Variants in SHISA9 observed in about 807,000 individuals in gnomAD.
SHISA9 encodes the protein shisa family member 9.
SHISA9 carries 13 observed loss-of-function variants against 38.0 expected under a neutral mutation model. That is an observed-to-expected ratio of 0.34 (90% CI 0.22 to 0.54). SHISA9 has a LOEUF of 0.54. Ranked by LOEUF, SHISA9 falls within the 20% of genes least tolerant of loss-of-function variation. The pLI is 0.91. For synonymous variants in SHISA9, 275 were observed against 242.0 expected, an observed-to-expected ratio of 1.14 and a Z score of -1.27; for missense variants, 538 against 575.8, an observed-to-expected ratio of 0.93 and a Z score of 0.67.
chr16:13,466,939 G>A, the SHISA9 span, among the ~76,000 whole-genome samples: 2 of 152,170 alleles, frequency 1.3e-5, no homozygotes, highest in Non-Finnish European at 2.9e-5. Context: ...TTCTGGGAAT[G>A]GGATTAGTGC....
chr16:13,071,436 C>G (rs2073512923), intron 2 of SHISA9, among the ~76,000 whole-genome samples: 1 of 152,122 alleles, frequency 6.6e-6, no homozygotes, highest in South Asian at 2.1e-4. Context: ...GTAGCTGAGG[C>G]TCAGAACATT....
chr16:13,481,538 G>A, the SHISA9 span, among the ~76,000 whole-genome samples: 8 of 152,172 alleles, frequency 5.3e-5, no homozygotes, highest in South Asian at 2.1e-4. Context: ...TCCTTTCTCC[G>A]TCTCACATTC....
At chr16:13,052,924 C>A (rs1336896842) in intron 2 of SHISA9, among the ~76,000 whole-genome samples, 1 of 148,258 alleles carries the variant, frequency 6.7e-6, no homozygotes, top group African/African-American at 2.5e-5. Context: ...CTATTACCAA[C>A]AAAGAAATCC....
intron 2 of SHISA9, among the ~76,000 whole-genome samples, chr16:13,087,535 G>C (rs1266663430): frequency 6.6e-6 from 1 of 152,128 alleles, no homozygotes; most frequent in Non-Finnish European, 1.5e-5. Context: ...GTGTGAGATG[G>C]TATCTCATTG....
intron 2 of SHISA9, among the ~76,000 whole-genome samples, chr16:12,989,539 T>C (rs1378718059): frequency 6.6e-6 from 1 of 152,068 alleles, no homozygotes; most frequent in African/African-American, 2.4e-5. Flanking sequence ...TTTCAGCCAT[T>C]GACATGGGTG....
chr16:13,154,615 G>A (rs1185314327), intron 2 of SHISA9, among the ~76,000 whole-genome samples: 1 of 152,168 alleles, frequency 6.6e-6, no homozygotes, highest in African/African-American at 2.4e-5. Context: ...GTTGATTTAA[G>A]CTACTGAGAT....
At chr16:13,150,425 G>A (rs1327002041) in intron 2 of SHISA9, among the ~76,000 whole-genome samples, 1 of 152,076 alleles carries the variant, frequency 6.6e-6, no homozygotes, top group Non-Finnish European at 1.5e-5. Flanking sequence ...CCAACCCCCT[G>A]CCATCCTTCA....
intron 2 of SHISA9, among the ~76,000 whole-genome samples, chr16:12,943,316 TGTGTGTGTGTGTGTGAGAGAGAGA>T (rs2071641203): frequency 5.4e-5 from 2 of 37,356 alleles, no homozygotes; most frequent in African/African-American, 1.0e-4. Context: ...TGTGTGTGTG[TGTGTGTGTGTGTGTGAGAGAGAGA>T]GAGAGAGAGA....
chr16:13,426,221 C>A, the SHISA9 span, among the ~76,000 whole-genome samples: 1 of 152,094 alleles, frequency 6.6e-6, no homozygotes, highest in Non-Finnish European at 1.5e-5. Flanking sequence ...AGGATCCTTG[C>A]GAAGTGTTTT....
chr16:13,425,605 C>T, the SHISA9 span, among the ~76,000 whole-genome samples: 2 of 152,184 alleles, frequency 1.3e-5, no homozygotes, highest in South Asian at 2.1e-4. Flanking sequence ...GAGGGGTTTT[C>T]TAGAAGCCTC....
At chr16:13,419,870 C>G in the SHISA9 span, among the ~76,000 whole-genome samples, 1 of 152,176 alleles carries the variant, frequency 6.6e-6, no homozygotes, top group Non-Finnish European at 1.5e-5. Flanking sequence ...CTGACCTCCA[C>G]TCTAGATGTT....
At chr16:13,418,351 G>T in the SHISA9 span, among the ~76,000 whole-genome samples, 1 of 152,176 alleles carries the variant, frequency 6.6e-6, no homozygotes, top group East Asian at 1.9e-4. Flanking sequence ...GTTCCACAAT[G>T]TCTAGGGTAA....
At chr16:13,557,081 C>T in the SHISA9 span, among the ~76,000 whole-genome samples, 1 of 152,140 alleles carries the variant, frequency 6.6e-6, no homozygotes, top group African/African-American at 2.4e-5. Context: ...AAAACAGTGC[C>T]TGGCATATAG....
At chr16:13,145,054 G>A (rs16961219) in intron 2 of SHISA9, among the ~76,000 whole-genome samples, 9,676 of 152,230 alleles carry the variant, frequency 0.064, 434 homozygotes, top group East Asian at 0.22. Context: ...CGACCCTATT[G>A]TTTTCTTAGT....
intron 2 of SHISA9, among the ~76,000 whole-genome samples, chr16:12,959,290 G>A (rs966785750): frequency 6.6e-6 from 1 of 152,216 alleles, no homozygotes; most frequent in African/African-American, 2.4e-5. Context: ...CCTCTGCAGG[G>A]TGCTGGTTAA....
chr16:13,062,750 C>T (rs746434897), intron 2 of SHISA9, among the ~76,000 whole-genome samples: 1 of 152,100 alleles, frequency 6.6e-6, no homozygotes, highest in Non-Finnish European at 1.5e-5. Flanking sequence ...ATTTTGATAC[C>T]TTGTTCAACA....
At chr16:13,514,060 T>C in the SHISA9 span, among the ~76,000 whole-genome samples, 7 of 152,284 alleles carry the variant, frequency 4.6e-5, no homozygotes, top group South Asian at 1.5e-3. Context: ...AGTGGCATGA[T>C]CTCGGCTCAC....
At chr16:13,120,060 C>G (rs1037563945) in intron 2 of SHISA9, among the ~76,000 whole-genome samples, 2 of 152,072 alleles carry the variant, frequency 1.3e-5, no homozygotes, top group South Asian at 2.1e-4. Context: ...GTGATCAGAG[C>G]TGGCATAACC....
the SHISA9 span, among the ~76,000 whole-genome samples, chr16:13,368,468 T>C: frequency 6.6e-6 from 1 of 152,004 alleles, no homozygotes; most frequent in Non-Finnish European, 1.5e-5. Flanking sequence ...ACTAAGAACC[T>C]GATTAGATTA....
Sources: gnomAD v4.1 joint callset for allele counts (sites outside exome capture counted in the v4.1 genomes callset) on GRCh38, gnomAD v4.1.1 for gene constraint, MANE v1.5 for transcripts, NCBI Gene and HGNC (gene_info 2026-07-23, HGNC 2026-07-21) for gene names.